Variants in CNTNAP2 observed in about 807,000 individuals in gnomAD.
CNTNAP2 encodes the protein contactin associated protein 2.
A neutral mutation model predicts 155.2 loss-of-function variants in CNTNAP2; 98 were observed. The ratio of observed to expected loss-of-function variants is 0.63; its 90% CI spans 0.54 to 0.75. The LOEUF is 0.75. Ranked by LOEUF, CNTNAP2 falls within the 30% of genes least tolerant of loss-of-function variation. CNTNAP2 has a pLI of 0.00. For missense variants in CNTNAP2, 1,727 were observed against 1,688.1 expected (o/e 1.02, Z -0.40); for synonymous variants, 651 against 631.2 (o/e 1.03, Z -0.47).
intron 9 of CNTNAP2, among the ~76,000 whole-genome samples, chr7:147,366,768 G>A (rs1267829975): frequency 4.0e-5 from 5 of 126,074 alleles, no homozygotes; most frequent in South Asian, 2.8e-4. Context: ...GATTTTTTAC[G>A]AATTTGTTGC....
intron 16 of CNTNAP2, among the ~76,000 whole-genome samples, chr7:148,140,744 C>G (rs566054132): frequency 8.5e-5 from 13 of 152,226 alleles, no homozygotes; most frequent in Non-Finnish European, 1.6e-4. Context: ...TAAATGCCAT[C>G]TGGTGTGGCC....
At chr7:146,611,083 C>T (rs1799128550) in intron 1 of CNTNAP2, among the ~76,000 whole-genome samples, 2 of 152,132 alleles carry the variant, frequency 1.3e-5, no homozygotes. Context: ...TATTTATAAG[C>T]AAAGCCGTTT....
chr7:147,083,741 G>A (rs1359053556), intron 4 of CNTNAP2, among the ~76,000 whole-genome samples: 3 of 140,364 alleles, frequency 2.1e-5, no homozygotes, highest in African/African-American at 7.8e-5. Flanking sequence ...ATACATATAT[G>A]CTATATATAG....
chr7:147,842,857 CT>C (rs1319985477), intron 13 of CNTNAP2, among the ~76,000 whole-genome samples: 69 of 51,116 alleles, frequency 1.3e-3, no homozygotes, highest in African/African-American at 5.1e-3. Flanking sequence ...GTTTTTTGTT[CT>C]TGCGATAGTT....
chr7:146,630,764 T>G (rs1799497748), intron 1 of CNTNAP2, among the ~76,000 whole-genome samples: 1 of 151,970 alleles, frequency 6.6e-6, no homozygotes, highest in Non-Finnish European at 1.5e-5. Flanking sequence ...CATTCCCATG[T>G]ACCAACAATA....
intron 1 of CNTNAP2, among the ~76,000 whole-genome samples, chr7:146,548,313 A>G (rs1362288501): frequency 1.3e-5 from 2 of 151,856 alleles, no homozygotes; most frequent in African/African-American, 4.8e-5. Context: ...TTTTTTATGG[A>G]TGCATAGTAT....
At chr7:148,063,895 T>C (rs1369506233) in intron 15 of CNTNAP2, among the ~76,000 whole-genome samples, 1 of 152,130 alleles carries the variant, frequency 6.6e-6, no homozygotes, top group Non-Finnish European at 1.5e-5. Flanking sequence ...CCATCTTGAG[T>C]TAATTTTTAT....
intron 14 of CNTNAP2, among the ~76,000 whole-genome samples, chr7:147,940,668 G>A (rs1800702761): frequency 6.6e-6 from 1 of 152,044 alleles, no homozygotes; most frequent in East Asian, 1.9e-4. Flanking sequence ...CTGAGTAGCT[G>A]GGACCACAGA....
intron 3 of CNTNAP2, among the ~76,000 whole-genome samples, chr7:146,911,346 C>T (rs1220897746): frequency 6.6e-6 from 1 of 152,084 alleles, no homozygotes; most frequent in Non-Finnish European, 1.5e-5. Context: ...GCTATAAAGA[C>T]ACATGCACAC....
chr7:146,608,766 G>C (rs1403842100), intron 1 of CNTNAP2, among the ~76,000 whole-genome samples: 2 of 151,874 alleles, frequency 1.3e-5, no homozygotes, highest in Non-Finnish European at 2.9e-5. Flanking sequence ...CATTTTATAT[G>C]TTCTATCTCT....
chr7:148,110,011 C>T (rs1804312575), intron 15 of CNTNAP2, among the ~76,000 whole-genome samples: 1 of 151,520 alleles, frequency 6.6e-6, no homozygotes, highest in Admixed American at 6.6e-5. Flanking sequence ...CTTCAGACCC[C>T]CAATGAAACT....
Position 146,846,274 on chromosome 7 carries a change from A to G in CNTNAP2, c.402+6370A>G, listed in dbSNP as rs1803839033. On this transcript the variant is annotated intron_variant, in intron 3 of 23. Coordinates refer to ENST00000361727, the MANE Select transcript of CNTNAP2 (RefSeq NM_014141.6). ...CAGTTATTTGGGTAAAGGATCAGGC[A>G]GACATATTCATAATAATTTTATAGA... Among the ~76,000 whole-genome samples, 4 of 152,216 alleles carry G rather than the reference A, an allele frequency of 2.6e-5. 1 individual carries two copies. In the South Asian group the frequency reaches 8.3e-4, roughly 32 times the overall value.
chr7:146,923,639 G>A (rs1402943784), intron 3 of CNTNAP2, among the ~76,000 whole-genome samples: 4 of 152,128 alleles, frequency 2.6e-5, no homozygotes, highest in African/African-American at 9.7e-5. Flanking sequence ...GCTTCCAACA[G>A]TATTATTGTT....
At position 146,763,120 on chromosome 7, in the gene CNTNAP2, T is replaced by G. The variant is rs541088067; in HGVS notation, c.98-11151T>G. On this transcript the variant is annotated intron_variant, in intron 1 of 23. Coordinates refer to ENST00000361727, the MANE Select transcript of CNTNAP2 (RefSeq NM_014141.6). ...CCAGCAAAGTTGGCTTCCATCCCAG[T>G]CTTCTGCAGTCTCTCTGGCCACTTT... 2.0e-5 allele frequency among the ~76,000 whole-genome samples: 3 copies of G among 152,274 alleles called. No homozygotes were observed. The South Asian group carries it at 6.2e-4, about 32-fold the overall frequency.
intron 9 of CNTNAP2, among the ~76,000 whole-genome samples, chr7:147,347,740 A>G (rs1795902255): frequency 6.6e-6 from 1 of 152,046 alleles, no homozygotes; most frequent in African/African-American, 2.4e-5. Flanking sequence ...CTGAGCAAAA[A>G]GAAAAATGCC....
At chr7:146,424,974 A>C (rs553616957) in intron 1 of CNTNAP2, among the ~76,000 whole-genome samples, 2 of 152,304 alleles carry the variant, frequency 1.3e-5, no homozygotes, top group East Asian at 3.9e-4. Context: ...AGTGGTCCAC[A>C]ATCTAATACG....
At chr7:147,415,869 T>C (rs550912903) in intron 10 of CNTNAP2, among the ~76,000 whole-genome samples, 12 of 152,318 alleles carry the variant, frequency 7.9e-5, no homozygotes, top group African/African-American at 2.9e-4. Context: ...CCAAGGTGCA[T>C]GGTCACCTTA....
chr7:148,216,327 T>C (rs181069112), intron 18 of CNTNAP2, among the ~76,000 whole-genome samples: 117 of 152,310 alleles, frequency 7.7e-4, no homozygotes, highest in Admixed American at 1.5e-3. Context: ...CTCCACTTCA[T>C]AGATGAAATA....
intron 10 of CNTNAP2, among the ~76,000 whole-genome samples, chr7:147,484,851 A>G (rs1798484027): frequency 6.6e-6 from 1 of 152,204 alleles, no homozygotes; most frequent in African/African-American, 2.4e-5. Flanking sequence ...AGATTCTGCT[A>G]TTTTAATCTG....
Sources: gnomAD v4.1 joint callset for allele counts (sites outside exome capture counted in the v4.1 genomes callset) on GRCh38, gnomAD v4.1.1 for gene constraint, MANE v1.5 for transcripts, NCBI Gene and HGNC (gene_info 2026-07-23, HGNC 2026-07-21) for gene names.